Variants in TECTA observed in about 807,000 individuals in gnomAD.
TECTA encodes tectorin alpha, also known as alpha-tectorin.
In TECTA, 128 loss-of-function variants were observed where a neutral mutation model predicts 216.8. The observed-to-expected ratio is 0.59, with a 90% confidence interval of 0.51 to 0.68. The LOEUF is 0.68. Ranked by LOEUF, TECTA falls within the 30% of genes least tolerant of loss-of-function variation. The pLI is 0.00. For synonymous variants in TECTA, 1,089 were observed against 1,117.1 expected, an observed-to-expected ratio of 0.97 and a Z score of 0.50; for missense variants, 2,551 against 2,786.2, an observed-to-expected ratio of 0.92 and a Z score of 1.90.
intron 13 of TECTA, among the ~76,000 whole-genome samples, chr11:121,156,750 C>T (rs1211524580): frequency 6.6e-6 from 1 of 152,114 alleles, no homozygotes; most frequent in Non-Finnish European, 1.5e-5. Flanking sequence ...CCACCTCAAC[C>T]TCCCAAAGTG....
rs1947337734 is a variant in TECTA at position 121,191,274 on chromosome 11, C to T, written c.*468C>T. On this transcript the variant is annotated 3_prime_UTR_variant, in exon 24 of 24. Coordinates refer to ENST00000392793, the MANE Select transcript of TECTA (RefSeq NM_005422.4). ...TTGCTGGTGTTTGGAAGTGTCCGAT[C>T]TACGTTATGCACGTGTTCTGTCTAT... The T allele has an allele frequency of 1.6e-5, 4 of 252,954 alleles. No homozygotes were observed. The allele number at this position is 252,954 out of a possible 1,614,324, so 15.7% of individuals were successfully genotyped here.
At chr11:121,165,410 C>T in intron 17 of TECTA, 27 bp downstream of exon 17, 1 of 1,540,928 alleles carries the variant, frequency 6.5e-7, no homozygotes, top group Non-Finnish European at 8.8e-7. Context: ...ACCTCCCCAC[C>T]CAGAAAGGCC....
At chr11:121,159,157 G>A (rs556320987) in intron 14 of TECTA, among the ~76,000 whole-genome samples, 18 of 152,290 alleles carry the variant, frequency 1.2e-4, no homozygotes, top group African/African-American at 2.2e-4. Context: ...ATCAAATAGC[G>A]TATCCAGCAT....
At chr11:121,165,447 G>C in intron 17 of TECTA, 64 bp downstream of exon 17, 2 of 1,331,150 alleles carry the variant, frequency 1.5e-6, no homozygotes, top group South Asian at 1.3e-5. Flanking sequence ...TCTGGGGAAC[G>C]ACCTTGATGC....
chr11:121,119,364 TC>T (rs1946535293), intron 7 of TECTA, among the ~76,000 whole-genome samples: 2 of 150,692 alleles, frequency 1.3e-5, no homozygotes, highest in African/African-American at 4.9e-5. Flanking sequence ...TCGAATAGAG[TC>T]CCCAACTCCC....
intron 2 of TECTA, among the ~76,000 whole-genome samples, chr11:121,103,872 G>C (rs1426410735): frequency 6.6e-6 from 1 of 152,030 alleles, no homozygotes; most frequent in Non-Finnish European, 1.5e-5. Flanking sequence ...ATATTTAACA[G>C]TCCGTTCTTT....
Position 121,130,025 on chromosome 11 carries a change from T to C in TECTA, c.2755T>C (p.Ser919Pro), listed in dbSNP as rs774198865. 5 of 1,611,610 alleles carry C rather than the reference T, an allele frequency of 3.1e-6. No homozygotes were observed. The South Asian group carries it at 3.3e-5, about 11-fold the overall frequency. The change falls in exon 10 of 24, where the codon TCC becomes CCC. Residue 919 changes from serine (S) to proline (P), a missense_variant. Around this residue, in one of 3 missense-constraint regions of TECTA, gnomAD observed 2,375 missense variants for 2,563.9 expected, o/e 0.93. Transcript: ENST00000392793. ...RSRCGIINDP[S>P]NSSFLECHGV... ...CAGGTGCGGCATCATCAACGACCCC[T>C]CCAACAGCTCCTTCCTGGAGTGCCA...
At chr11:121,114,611 A>T (rs1218704041) in intron 6 of TECTA, among the ~76,000 whole-genome samples, 1 of 29,742 alleles carries the variant, frequency 3.4e-5, no homozygotes, top group Non-Finnish European at 7.8e-5. Context: ...CCACCCACCC[A>T]TCCATCCACC....
chr11:121,184,261 A>G (rs1272407004), intron 20 of TECTA, among the ~76,000 whole-genome samples: 3 of 152,106 alleles, frequency 2.0e-5, no homozygotes, highest in Non-Finnish European at 4.4e-5. Flanking sequence ...TGCTATCAAC[A>G]CTCTCCTCTT....
At chr11:121,151,800 T>A (rs1290761414) in intron 12 of TECTA, among the ~76,000 whole-genome samples, 1 of 152,218 alleles carries the variant, frequency 6.6e-6, no homozygotes, top group Non-Finnish European at 1.5e-5. Context: ...CTATATAATT[T>A]AAAAAATGAA....
In TECTA at chr11:121,166,157, G is replaced by T. The variant is rs570746118; in HGVS notation, c.5384-421G>T. ...CTAGTGCTCACCTGGGAATCACTAGGGTTCTGCTGAGCTGAATCAGCAGGG... is the reference window on the plus strand; with the variant it reads ...CTAGTGCTCACCTGGGAATCACTAGTGTTCTGCTGAGCTGAATCAGCAGGG... On this transcript the variant is annotated intron_variant, in intron 17 of 23. Coordinates refer to ENST00000392793, the MANE Select transcript of TECTA (RefSeq NM_005422.4). Among the ~76,000 whole-genome samples, 146 of 152,288 alleles carry T rather than the reference G, an allele frequency of 9.6e-4. 1 individual carries two copies. The highest frequency in any genetic ancestry group is 3.4e-3 in the African/African-American group (142 of 41,548).
intron 20 of TECTA, among the ~76,000 whole-genome samples, chr11:121,178,139 G>A (rs1025602390): frequency 3.9e-5 from 6 of 152,240 alleles, no homozygotes; most frequent in Non-Finnish European, 5.9e-5. Flanking sequence ...CCCAAGTGAG[G>A]CAATGCCTCG....
At chr11:121,175,701 A>G (rs950693283) in intron 20 of TECTA, among the ~76,000 whole-genome samples, 1 of 152,216 alleles carries the variant, frequency 6.6e-6, no homozygotes. Flanking sequence ...GTAGATGTCT[A>G]TTAGGTCTGC....
intron 13 of TECTA, among the ~76,000 whole-genome samples, chr11:121,155,040 G>A (rs1185311314): frequency 6.6e-6 from 1 of 152,178 alleles, no homozygotes; most frequent in Non-Finnish European, 1.5e-5. Context: ...TTACATCCGG[G>A]AAGCAGCAAA....
rs761205056 is a variant in TECTA, at chr11:121,189,146, G to T, written c.6229G>T (p.Val2077Leu). The change falls in exon 22 of 24, where the codon GTG (valine) becomes TTG (leucine). Residue 2077 changes from valine (V) to leucine (L), a missense_variant. Transcript: ENST00000392793. ...AGAGCCCAAAGAACAGATCATTTCA[G>T]TGGGACCTATTAGGAGAAAAAGTAT... is the stretch of plus-strand genomic sequence containing the variant. ...TKEPKEQIISVGPIRRKRLDW... is the reference protein window; with the variant it reads ...TKEPKEQIISLGPIRRKRLDW... The T allele has an allele frequency of 4.3e-6, 7 of 1,613,996 alleles. No homozygotes were observed. The highest frequency in any genetic ancestry group is 5.9e-6 in the Non-Finnish European group (7 of 1,180,002).
intron 11 of TECTA, chr11:121,141,114 T>C (rs594951): frequency 0.47 from 72,099 of 152,072 alleles, 19,123 homozygotes; most frequent in African/African-American, 0.73. Context: ...AAGCTCAGGG[T>C]GCATTGAGGG....
At chr11:121,126,472 T>C (rs1946613555) in intron 8 of TECTA, among the ~76,000 whole-genome samples, 1 of 152,248 alleles carries the variant, frequency 6.6e-6, no homozygotes, top group Non-Finnish European at 1.5e-5. Context: ...GGATTAAGCA[T>C]TTTGTACCAT....
chr11:121,159,012 G>A (rs1048961436), intron 14 of TECTA, among the ~76,000 whole-genome samples: 5 of 152,102 alleles, frequency 3.3e-5, no homozygotes, highest in Admixed American at 6.5e-5. Flanking sequence ...GCCAGGCCCT[G>A]GCACTGTGAG....
Position 121,166,780 on chromosome 11 carries a change from G to C in TECTA, c.5586G>C (p.Gln1862His), listed in dbSNP as rs778798937. Reference protein sequence around the residue: ...NTKGNCGNIVQSNGTHIMYKN... With the variant: ...NTKGNCGNIVHSNGTHIMYKN... The stretch of plus-strand genomic sequence containing the variant: ...AAGGGAATTGTGGAAACATTGTGCA[G>C]GTGAGAAAAGCAGCAGGAAAGAGCA... The change falls in exon 18 of 24, where the codon CAG becomes CAC. Residue 1862 changes from glutamine to histidine, a missense_variant and splice_region_variant. Physicochemically the swap from Gln to His is conservative, Grantham distance 24. Transcript: ENST00000392793. 3.7e-6 allele frequency: 6 copies of C among 1,613,578 alleles called. No individual in the cohort carries two copies. The African/African-American group carries it at 8.0e-5, about 22-fold the overall frequency.
Sources: allele counts gnomAD v4.1 joint callset (sites outside exome capture counted in the v4.1 genomes callset), GRCh38; gene constraint gnomAD v4.1.1; regional missense constraint gnomAD v4.1.1; transcripts MANE v1.5; gene names NCBI Gene and HGNC (gene_info 2026-07-23, HGNC 2026-07-21).